ABI1: variants seen among roughly 807,000 people sequenced by gnomAD.
The protein encoded by ABI1 is Abelson interactor 1.
A neutral mutation model predicts 54.6 loss-of-function variants in ABI1; 14 were observed. That is an observed-to-expected ratio of 0.26 (90% confidence interval 0.17 to 0.40). The LOEUF (loss-of-function observed/expected upper bound fraction) is 0.40. Ranked by LOEUF, ABI1 falls within the 10% of genes least tolerant of loss-of-function variation. ABI1 has a pLI of 1.00. For missense variants in ABI1, 443 were observed against 598.3 expected, an observed-to-expected ratio of 0.74 and a Z score of 2.71; for synonymous variants, 194 against 209.3, an observed-to-expected ratio of 0.93 and a Z score of 0.63.
intron 1 of ABI1, among the ~76,000 whole-genome samples, chr10:26,838,179 A>G (rs1272277618): frequency 2.6e-5 from 4 of 151,826 alleles, no homozygotes; most frequent in African/African-American, 9.7e-5. Context: ...GACCGCCACC[A>G]CACCCAGCTA....
At chr10:26,782,963 G>A (rs1284678835) in intron 2 of ABI1, among the ~76,000 whole-genome samples, 1 of 152,102 alleles carries the variant, frequency 6.6e-6, no homozygotes, top group Non-Finnish European at 1.5e-5. Context: ...CACATAACCA[G>A]CAATTCCAAT....
At chr10:26,802,381 A>G (rs757346601) in intron 2 of ABI1, among the ~76,000 whole-genome samples, 2 of 152,200 alleles carry the variant, frequency 1.3e-5, no homozygotes, top group Non-Finnish European at 2.9e-5. Flanking sequence ...GCACTGTCCT[A>G]TCTAAAGTGG....
At chr10:26,815,590 C>T (rs957431155) in intron 2 of ABI1, among the ~76,000 whole-genome samples, 6 of 152,270 alleles carry the variant, frequency 3.9e-5, no homozygotes, top group African/African-American at 1.2e-4. Context: ...TTAGTTAACA[C>T]CAGTCCTCCA....
At chr10:26,813,649 T>TA (rs1197277263) in intron 2 of ABI1, among the ~76,000 whole-genome samples, 1 of 152,208 alleles carries the variant, frequency 6.6e-6, no homozygotes, top group African/African-American at 2.4e-5. Flanking sequence ...TTTCTTCACA[T>TA]ACTTCAACCC....
chr10:26,839,624 G>T lies in ABI1; in HGVS notation c.118-16319C>A. On this transcript the variant is annotated intron_variant, in intron 1 of 10. Coordinates refer to ENST00000376140, the MANE Select transcript of ABI1 (RefSeq NM_001012750.3). ...GTCACAATCAGCACCACCCTTAACT[G>T]ACTTGAGAAAAAGAAGTACTTCTGT... is the stretch of plus-strand genomic sequence containing the variant. 6.5e-6 allele frequency: 4 copies of T among 615,520 alleles called. No individual in the cohort carries two copies. In the South Asian group the frequency reaches 7.8e-5, roughly 12 times the overall value. 38.1% of individuals were successfully genotyped at this position (615,520 alleles called of 1,614,324 possible).
At chr10:26,794,199 T>G (rs1843830099) in intron 2 of ABI1, among the ~76,000 whole-genome samples, 1 of 151,756 alleles carries the variant, frequency 6.6e-6, no homozygotes, top group African/African-American at 2.4e-5. Flanking sequence ...GCCAAGATCG[T>G]GCCACTGTAC....
rs1460229143 is a variant in ABI1, at chr10:26,748,510, C to T, written c.*60G>A. ...AAACATATTAAGACAGTTCTGTTAA[C>T]CATAATAGTCCCACAGTATGACTGA... On this transcript the variant is annotated 3_prime_UTR_variant, in exon 11 of 11. Transcript: ENST00000376140. 6.2e-6 allele frequency: 8 copies of T among 1,293,250 alleles called. No individual in the cohort carries two copies. The highest frequency in any genetic ancestry group is 3.0e-5 in the African/African-American group (2 of 67,260). The allele number at this position is 1,293,250 out of a possible 1,614,324, so 80.1% of individuals were successfully genotyped here. A position where few individuals can be genotyped will look rare whatever the true frequency, so the allele number is the denominator to read the frequency against.
chr10:26,810,152 T>C (rs1371709229), intron 2 of ABI1, among the ~76,000 whole-genome samples: 2 of 152,184 alleles, frequency 1.3e-5, no homozygotes, highest in African/African-American at 2.4e-5. Context: ...CCTTCCCTTG[T>C]GTGGTCTGCA....
At chr10:26,767,429 C>T (rs1011962096) in intron 6 of ABI1, among the ~76,000 whole-genome samples, 1 of 152,064 alleles carries the variant, frequency 6.6e-6, no homozygotes, top group Non-Finnish European at 1.5e-5. Flanking sequence ...GTTCCCTGCC[C>T]ACGTTATTAA....
intron 7 of ABI1, among the ~76,000 whole-genome samples, chr10:26,763,720 C>G (rs79738446): frequency 0.016 from 2,368 of 152,290 alleles, 52 homozygotes; most frequent in African/African-American, 0.054. Flanking sequence ...AGTGCAGAAG[C>G]CTTTCACCAG....
chr10:26,810,338 C>G (rs1211147322), intron 2 of ABI1, among the ~76,000 whole-genome samples: 1 of 152,152 alleles, frequency 6.6e-6, no homozygotes, highest in Admixed American at 6.5e-5. Flanking sequence ...GCAATCTGCA[C>G]CAGCCCCACT....
At chr10:26,773,561 T>TA (rs201953425) in intron 3 of ABI1, among the ~76,000 whole-genome samples, 356 of 151,390 alleles carry the variant, frequency 2.4e-3, no homozygotes, top group Non-Finnish European at 3.5e-3. Flanking sequence ...AAATAAAAAT[T>TA]AAAAAAAAAT....
intron 2 of ABI1, among the ~76,000 whole-genome samples, chr10:26,806,384 T>C (rs1203441064): frequency 6.6e-6 from 1 of 152,200 alleles, no homozygotes; most frequent in East Asian, 1.9e-4. Flanking sequence ...TAAGGTTTTT[T>C]TCCAAATTGA....
intron 2 of ABI1, among the ~76,000 whole-genome samples, chr10:26,788,586 C>T (rs1842989682): frequency 6.6e-6 from 1 of 152,148 alleles, no homozygotes; most frequent in Non-Finnish European, 1.5e-5. Context: ...TTTTTAAGAA[C>T]TCCTCAAAGC....
intron 1 of ABI1, chr10:26,839,651 T>TAA (rs1554831131): frequency 7.5e-3 from 3,937 of 526,516 alleles, no homozygotes; most frequent in Admixed American, 9.3e-3. Flanking sequence ...TACTTCTGTT[T>TAA]AAAAAAAAAA....
At chr10:26,846,770 G>C (rs2050015486) in intron 1 of ABI1, among the ~76,000 whole-genome samples, 1 of 152,048 alleles carries the variant, frequency 6.6e-6, no homozygotes, top group South Asian at 2.1e-4. Flanking sequence ...TGTGTAACTT[G>C]TTCAAAATCA....
chr10:26,770,585 AT>A, intron 4 of ABI1: 2 of 675,646 alleles, frequency 3.0e-6, no homozygotes, highest in South Asian at 2.8e-5. Flanking sequence ...TGGATTTAAT[AT>A]CTTATTTTAT....
Position 26,791,068 on chromosome 10 carries a change from C to CAAAA in ABI1, c.286-13831_286-13828dup, listed in dbSNP as rs369738380. ...CCCAGGTAAGAGTAAGATTCCGTCT[C>CAAAA]AAAAAAAAAAAAAAAAAAAAAAACA... On this transcript the variant is annotated intron_variant, in intron 2 of 10. Coordinates refer to ENST00000376140, the MANE Select transcript of ABI1 (RefSeq NM_001012750.3). Among the ~76,000 whole-genome samples the CAAAA allele has an allele frequency of 1.3e-3, 74 of 59,030 alleles. 1 individual carries two copies. The highest frequency in any genetic ancestry group is 2.9e-3 in the East Asian group (5 of 1,716). 38.7% of individuals were successfully genotyped at this position (59,030 alleles called of 152,430 possible).
chr10:26,805,409 C>T (rs2046816891), intron 2 of ABI1, among the ~76,000 whole-genome samples: 2 of 146,322 alleles, frequency 1.4e-5, no homozygotes, highest in African/African-American at 2.5e-5. Flanking sequence ...GTTCCAAAGT[C>T]ACTTTTTATT....
Sources: allele counts gnomAD v4.1 joint callset (sites outside exome capture counted in the v4.1 genomes callset), GRCh38; gene constraint gnomAD v4.1.1; transcripts MANE v1.5; gene names NCBI Gene and HGNC (gene_info 2026-07-23, HGNC 2026-07-21).